The following DLC1 variants were observed in gnomAD, a reference collection of about 807,000 sequenced individuals.
DLC1 encodes the protein DLC1 Rho GTPase activating protein, also known as rho GTPase-activating protein 7.
A neutral mutation model predicts 140.3 loss-of-function variants in DLC1; 54 were observed. The ratio of observed to expected loss-of-function variants is 0.38; its 90% CI spans 0.31 to 0.48. DLC1 has a LOEUF of 0.48. Among genes scored for constraint, DLC1 ranks in the 20% least tolerant of loss-of-function variants. DLC1 has a pLI of 0.96. For missense variants in DLC1, 2,536 were observed against 1,907.0 expected (o/e 1.33, Z -6.14); for synonymous variants, 986 against 728.1 (o/e 1.35, Z -5.70).
intron 4 of DLC1, among the ~76,000 whole-genome samples, chr8:13,364,730 C>G (rs1041047216): frequency 6.6e-6 from 1 of 152,120 alleles, no homozygotes; most frequent in African/African-American, 2.4e-5. Flanking sequence ...TTATCACATG[C>G]TATAGACATC....
chr8:13,516,811 C>T (rs1032276316), upstream of DLC1, among the ~76,000 whole-genome samples: 5 of 152,144 alleles, frequency 3.3e-5, no homozygotes, highest in South Asian at 2.1e-4. Flanking sequence ...AACAATTTTG[C>T]GTGTATTCAT....
intron 2 of DLC1, among the ~76,000 whole-genome samples, chr8:13,470,337 CT>C (rs1800149200): frequency 6.6e-6 from 1 of 152,032 alleles, no homozygotes; most frequent in African/African-American, 2.4e-5. Context: ...TAGGAGATTC[CT>C]ATCTAAACAT....
chr8:13,382,505 CAAAAAAAA>C (rs71207149), intron 4 of DLC1, among the ~76,000 whole-genome samples: 3 of 35,522 alleles, frequency 8.4e-5, no homozygotes, highest in African/African-American at 1.3e-4. Context: ...GACTCCGTCT[CAAAAAAAA>C]AAAAAAAAAA....
intron 2 of DLC1, among the ~76,000 whole-genome samples, chr8:13,480,887 G>A (rs985784880): frequency 6.6e-6 from 1 of 152,092 alleles, no homozygotes; most frequent in African/African-American, 2.4e-5. Context: ...CTGGGCAACA[G>A]AGCCAGACTC....
intron 5 of DLC1, among the ~76,000 whole-genome samples, chr8:13,156,687 C>T (rs1323138793): frequency 1.3e-5 from 2 of 152,066 alleles, no homozygotes; most frequent in Admixed American, 1.3e-4. Flanking sequence ...TCCAAGTGTC[C>T]CTGTATCTGA....
At chr8:13,403,817 T>TG (rs1266891732) in intron 2 of DLC1, among the ~76,000 whole-genome samples, 8 of 147,586 alleles carry the variant, frequency 5.4e-5, no homozygotes, top group Admixed American at 4.7e-4. Context: ...GTTTTTTTTT[T>TG]TTTTTTTTTT....
At chr8:13,419,387 C>T (rs1250675801) in intron 2 of DLC1, among the ~76,000 whole-genome samples, 3 of 152,050 alleles carry the variant, frequency 2.0e-5, no homozygotes, top group Non-Finnish European at 4.4e-5. Context: ...GAGATACGTC[C>T]CATCAGTACC....
chr8:13,226,679 A>G (rs147252415), intron 5 of DLC1, among the ~76,000 whole-genome samples: 1 of 152,284 alleles, frequency 6.6e-6, no homozygotes, highest in East Asian at 1.9e-4. Context: ...AATATTCTCT[A>G]TTGTCAGGAA....
chr8:13,200,657 T>G (rs889324796), intron 5 of DLC1, among the ~76,000 whole-genome samples: 6 of 152,006 alleles, frequency 3.9e-5, no homozygotes, highest in African/African-American at 1.4e-4. Context: ...CAGGCTGGCC[T>G]GCAGTAGTAC....
chr8:13,467,961 AT>A (rs1214609678), intron 2 of DLC1, among the ~76,000 whole-genome samples: 2 of 152,094 alleles, frequency 1.3e-5, no homozygotes, highest in Non-Finnish European at 2.9e-5. Context: ...TCTGTTTAAT[AT>A]TTTGTTTATG....
At chr8:13,225,269 C>A (rs1227542939) in intron 5 of DLC1, among the ~76,000 whole-genome samples, 25 of 152,298 alleles carry the variant, frequency 1.6e-4, no homozygotes, top group Non-Finnish European at 8.8e-5. Context: ...AAAACACTTT[C>A]AAAAGGCTTC....
At chr8:13,402,729 T>C (rs1837353939) in intron 2 of DLC1, among the ~76,000 whole-genome samples, 1 of 152,178 alleles carries the variant, frequency 6.6e-6, no homozygotes, top group Non-Finnish European at 1.5e-5. Context: ...TGATGGTTCG[T>C]TGTGAGATGA....
intron 1 of DLC1, among the ~76,000 whole-genome samples, chr8:13,547,789 C>G (rs13259421): frequency 6.6e-6 from 1 of 151,826 alleles, no homozygotes; most frequent in Non-Finnish European, 1.5e-5. Context: ...ATCTCTTCTC[C>G]CAACTCCTTT....
intron 5 of DLC1, among the ~76,000 whole-genome samples, chr8:13,203,458 T>C (rs757204473): frequency 1.5e-4 from 23 of 152,318 alleles, no homozygotes; most frequent in Non-Finnish European, 2.6e-4. Context: ...TGAGTATTTC[T>C]AACCCTGGAA....
intron 1 of DLC1, chr8:13,567,173 C>T (rs1804468840): frequency 2.6e-6 from 4 of 1,551,772 alleles, no homozygotes; most frequent in Middle Eastern, 1.7e-4. Flanking sequence ...GAAAAGCAGA[C>T]TCCAAGCTTG....
At chr8:13,239,014 T>G (rs1011862470) in intron 5 of DLC1, among the ~76,000 whole-genome samples, 1 of 152,192 alleles carries the variant, frequency 6.6e-6, no homozygotes, top group Non-Finnish European at 1.5e-5. Context: ...GGCAGTGTGA[T>G]GTGATTTGGA....
At chr8:13,567,635 T>C in intron 1 of DLC1, 1 of 1,551,666 alleles carries the variant, frequency 6.4e-7, no homozygotes, top group South Asian at 1.2e-5. Flanking sequence ...TCTGCCTTTC[T>C]GAAACAAAAG....
chr8:13,276,726 A>G, intron 5 of DLC1: 1 of 490,072 alleles, frequency 2.0e-6, no homozygotes, highest in Non-Finnish European at 2.7e-6. Flanking sequence ...CCTGGGTCAC[A>G]TAGCAGGTCT....
chr8:13,248,462 C>T (rs1829858868), intron 5 of DLC1, among the ~76,000 whole-genome samples: 2 of 152,196 alleles, frequency 1.3e-5, no homozygotes, highest in South Asian at 2.1e-4. Context: ...GAAGTGAGGC[C>T]GTCAAGTTCA....
Sources: gnomAD v4.1 joint callset for allele counts (sites outside exome capture counted in the v4.1 genomes callset) on GRCh38, gnomAD v4.1.1 for gene constraint, MANE v1.5 for transcripts, NCBI Gene and HGNC (gene_info 2026-07-23, HGNC 2026-07-21) for gene names.